The following PIP4K2A variants were observed in gnomAD, a reference collection of about 807,000 sequenced individuals.
PIP4K2A encodes phosphatidylinositol 5-phosphate 4-kinase type-2 alpha.
Under a neutral mutation model 42.9 loss-of-function variants are expected in PIP4K2A, and 14 were observed. The observed-to-expected ratio is 0.33, with a 90% confidence interval of 0.22 to 0.51. PIP4K2A has a LOEUF of 0.51. Ranked by LOEUF, PIP4K2A falls within the 20% of genes least tolerant of loss-of-function variation. The probability of loss-of-function intolerance (pLI) is 0.97; values close to 1 mark genes in which losing one functional copy is unlikely to be tolerated. For missense variants in PIP4K2A, 434 were observed against 519.8 expected, an observed-to-expected ratio of 0.83 and a Z score of 1.61; for synonymous variants, 192 against 192.2, an observed-to-expected ratio of 1.00 and a Z score of 0.01.
chr10:22,561,171 A>G (rs1836683808), intron 6 of PIP4K2A, among the ~76,000 whole-genome samples: 1 of 152,236 alleles, frequency 6.6e-6, no homozygotes, highest in Admixed American at 6.5e-5. Flanking sequence ...GAATAAAACA[A>G]GTCATAGCAG....
chr10:22,675,789 C>G (rs1839546409), intron 1 of PIP4K2A, among the ~76,000 whole-genome samples: 1 of 152,178 alleles, frequency 6.6e-6, no homozygotes, highest in Non-Finnish European at 1.5e-5. Flanking sequence ...AGAAGAGGGT[C>G]AATGGCAGGA....
At chr10:22,692,054 A>G (rs1243504226) in intron 1 of PIP4K2A, among the ~76,000 whole-genome samples, 1 of 152,014 alleles carries the variant, frequency 6.6e-6, no homozygotes, top group African/African-American at 2.4e-5. Context: ...CTTAATTTCT[A>G]TTATTACACT....
At chr10:22,664,206 T>TATATATATCTAC (rs1839300650) in intron 1 of PIP4K2A, among the ~76,000 whole-genome samples, 1 of 45,944 alleles carries the variant, frequency 2.2e-5, no homozygotes, top group African/African-American at 1.3e-4. Context: ...TATATATACA[T>TATATATATCTAC]ATATATATAT....
intron 4 of PIP4K2A, among the ~76,000 whole-genome samples, chr10:22,576,324 G>A (rs72816813): frequency 0.013 from 1,929 of 152,286 alleles, 25 homozygotes; most frequent in Middle Eastern, 0.065. Context: ...GCTGTTGTAG[G>A]CAGATGTTGA....
chr10:22,556,884 C>T (rs1237813356), intron 6 of PIP4K2A, among the ~76,000 whole-genome samples: 1 of 152,184 alleles, frequency 6.6e-6, no homozygotes, highest in East Asian at 1.9e-4. Flanking sequence ...TCACAGGCCT[C>T]AGCAAGTCTA....
At position 22,714,487 on chromosome 10, in the gene PIP4K2A, T is replaced by TCGCTCCGCC. The variant is rs1833974315; in HGVS notation, c.-170_-162dup. 1 of 212,356 alleles carries TCGCTCCGCC rather than the reference T, an allele frequency of 4.7e-6. No homozygotes were observed. The highest frequency in any genetic ancestry group is 2.4e-5 in the African/African-American group (1 of 41,728). 13.2% of individuals were successfully genotyped at this position (212,356 alleles called of 1,614,324 possible). On this transcript the variant is annotated 5_prime_UTR_variant, in exon 1 of 10. Transcript: ENST00000376573. ...GCCGGCGCGCTCAGCCCCACTCGGC[T>TCGCTCCGCC]CGCTCCGCCCGCTCGGCCCGGCAGA...
At chr10:22,586,364 T>A (rs1837394688) in intron 4 of PIP4K2A, among the ~76,000 whole-genome samples, 1 of 152,150 alleles carries the variant, frequency 6.6e-6, no homozygotes, top group African/African-American at 2.4e-5. Context: ...GCTGAAGTCT[T>A]CGTAATTCTG....
chr10:22,691,429 C>T (rs1471626803), intron 1 of PIP4K2A, among the ~76,000 whole-genome samples: 2 of 151,456 alleles, frequency 1.3e-5, no homozygotes, highest in African/African-American at 2.4e-5. Flanking sequence ...CACCCCAGTA[C>T]ATTTCCTTCC....
intron 1 of PIP4K2A, among the ~76,000 whole-genome samples, chr10:22,651,530 C>T (rs924776318): frequency 2.6e-5 from 4 of 152,202 alleles, no homozygotes; most frequent in Non-Finnish European, 5.9e-5. Flanking sequence ...CTTCTCCTGG[C>T]CAGCTCTCAG....
At chr10:22,540,858 G>A (rs1406856716) in intron 8 of PIP4K2A, among the ~76,000 whole-genome samples, 1 of 152,148 alleles carries the variant, frequency 6.6e-6, no homozygotes, top group Non-Finnish European at 1.5e-5. Flanking sequence ...CCCGGCCCGT[G>A]TCTGTTTTCT....
chr10:22,714,252 C>T lies in PIP4K2A; in HGVS notation c.75G>A (p.Ala25=). Residue 25 remains alanine (A), a synonymous_variant, in exon 1 of 10, where the codon GCG becomes GCA. Coordinates refer to ENST00000376573, the MANE Select transcript of PIP4K2A (RefSeq NM_005028.5). ...TGGCCCGAAACAGCTTCACTTTCTG[C>T]GCTACGAAGTGCTTCTTCTTGGTCT... ...KTKTKKKHFV[A]QKVKLFRASD... 2 of 1,612,520 alleles carry T rather than the reference C, an allele frequency of 1.2e-6. No individual in the cohort carries two copies. Among genetic ancestry groups the T allele is most frequent in the Non-Finnish European group, 1.7e-6 (2 of 1,179,156 alleles).
chr10:22,625,872 ATAAAGT>A (rs1326502519), intron 1 of PIP4K2A, among the ~76,000 whole-genome samples: 4 of 152,238 alleles, frequency 2.6e-5, no homozygotes, highest in Non-Finnish European at 4.4e-5. Flanking sequence ...CAGAAGAGAA[ATAAAGT>A]TAAATAACTC....
intron 4 of PIP4K2A, among the ~76,000 whole-genome samples, chr10:22,577,706 C>A (rs1837157045): frequency 6.6e-6 from 1 of 152,346 alleles, no homozygotes; most frequent in East Asian, 1.9e-4. Flanking sequence ...TCCAGTCACA[C>A]TGCGACGCAT....
chr10:22,712,389 T>C (rs2130934259), intron 1 of PIP4K2A, among the ~76,000 whole-genome samples: 1 of 152,210 alleles, frequency 6.6e-6, no homozygotes, highest in East Asian at 1.9e-4. Context: ...ACTACCTTAC[T>C]AAATTAAACC....
At chr10:22,664,182 C>T (rs11591767) in intron 1 of PIP4K2A, among the ~76,000 whole-genome samples, 540 of 43,368 alleles carry the variant, frequency 0.012, 45 homozygotes, top group African/African-American at 0.075. Context: ...TATATATATA[C>T]ATATATATAC....
chr10:22,602,502 G>C (rs1364952308), intron 3 of PIP4K2A, among the ~76,000 whole-genome samples: 1 of 152,016 alleles, frequency 6.6e-6, no homozygotes, highest in African/African-American at 2.4e-5. Context: ...AAAACCCACA[G>C]GGCTGCTCGC....
At chr10:22,626,244 A>G (rs1291054801) in intron 1 of PIP4K2A, among the ~76,000 whole-genome samples, 1 of 151,350 alleles carries the variant, frequency 6.6e-6, no homozygotes, top group African/African-American at 2.5e-5. Flanking sequence ...AAATTTCTAA[A>G]ATATATTCTG....
chr10:22,576,761 C>T (rs1264990710), intron 4 of PIP4K2A, among the ~76,000 whole-genome samples: 1 of 152,064 alleles, frequency 6.6e-6, no homozygotes, highest in Non-Finnish European at 1.5e-5. Context: ...ACCTCAAAAC[C>T]CCCTCATCAC....
intron 5 of PIP4K2A, 38 bp from the exon 6 acceptor site, chr10:22,567,927 A>G (rs1836888502): frequency 1.3e-6 from 2 of 1,588,534 alleles, no homozygotes; most frequent in African/African-American, 2.7e-5. Context: ...TGCGCATGGG[A>G]GGCATTGGGT....
Sources: gnomAD v4.1 joint callset for allele counts (sites outside exome capture counted in the v4.1 genomes callset) on GRCh38, gnomAD v4.1.1 for gene constraint, MANE v1.5 for transcripts, NCBI Gene and HGNC (gene_info 2026-07-23, HGNC 2026-07-21) for gene names.